The following TWF2 variants were observed in gnomAD, a reference collection of about 807,000 sequenced individuals.
TWF2 encodes twinfilin actin binding protein 2.
In TWF2, 15 loss-of-function variants were observed where a neutral mutation model predicts 45.1. That is an observed-to-expected ratio of 0.33 (90% CI 0.22 to 0.51). The LOEUF (loss-of-function observed/expected upper bound fraction) is 0.51. TWF2 is among the 20% of genes least tolerant of loss of function. The pLI, the probability that TWF2 is intolerant of heterozygous loss-of-function variation, is 0.97. For missense variants in TWF2, 423 were observed against 469.1 expected, an observed-to-expected ratio of 0.90 and a Z score of 0.91; for synonymous variants, 177 against 195.8, an observed-to-expected ratio of 0.90 and a Z score of 0.80.
At chr3:52,229,253 C>A (rs781159261) in intron 8 of TWF2, 52 bp from the exon 9 acceptor site, 19 of 1,592,374 alleles carry the variant, frequency 1.2e-5, no homozygotes, top group South Asian at 6.7e-5. Flanking sequence ...CTGACACACA[C>A]CACCCCTGGT....
chr3:52,230,604 T>A (rs1259339597), intron 6 of TWF2, among the ~76,000 whole-genome samples: 1 of 151,958 alleles, frequency 6.6e-6, no homozygotes, highest in Non-Finnish European at 1.5e-5. Context: ...TGGGGCAGTG[T>A]GCTCACAGGT....
intron 1 of TWF2, among the ~76,000 whole-genome samples, chr3:52,238,306 A>G (rs1699746125): frequency 6.6e-6 from 1 of 152,228 alleles, no homozygotes; most frequent in Non-Finnish European, 1.5e-5. Flanking sequence ...AAGGTCAGAT[A>G]GGCAGCTTTC....
rs1475419568 is a variant in TWF2 at position 52,239,144 on chromosome 3, G to A, written c.-128C>T. On this transcript the variant is annotated 5_prime_UTR_variant, in exon 1 of 9. Transcript: ENST00000305533. ...TCGACCCTCGCGCAGCTTCCCGGGC[G>A]GTGCCGCAGGACCCGCCCCCAGCGG... 3 of 1,262,646 alleles carry A rather than the reference G, an allele frequency of 2.4e-6. No homozygotes were observed. Among genetic ancestry groups the A allele is most frequent in the Non-Finnish European group, 3.0e-6 (3 of 984,034 alleles). 78.2% of individuals were successfully genotyped at this position (1,262,646 alleles called of 1,614,324 possible).
At chr3:52,235,167 G>A (rs1699714051) in intron 1 of TWF2, 61 bp from the exon 2 acceptor site, 1 of 1,543,704 alleles carries the variant, frequency 6.5e-7, no homozygotes, top group African/African-American at 1.4e-5. Context: ...ACGAGTATGG[G>A]GCCTGCTCTG....
intron 1 of TWF2, among the ~76,000 whole-genome samples, chr3:52,236,645 A>G (rs1699728674): frequency 6.6e-6 from 1 of 152,160 alleles, no homozygotes; most frequent in Non-Finnish European, 1.5e-5. Flanking sequence ...TTAGGAAAAC[A>G]AACTCTGGTT....
intron 2 of TWF2, among the ~76,000 whole-genome samples, chr3:52,234,573 G>A (rs1699708025): frequency 6.6e-6 from 1 of 152,148 alleles, no homozygotes; most frequent in Non-Finnish European, 1.5e-5. Context: ...CCATCATGGG[G>A]GCACTTCCAA....
Position 52,231,504 on chromosome 3 carries a change from G to C in TWF2, c.318C>G (p.Ala106=). Residue 106 remains alanine (A), a synonymous_variant, in exon 4 of 9, where the codon GCC becomes GCG. Transcript: ENST00000305533. ...RLKMLYAATR[A]TVKKEFGGGH... ...CACCTCCAAACTCCTTTTTCACTGT[G>C]GCCCGCGTGGCCGCGTACAGCATCT... 6.2e-7 allele frequency: 1 copy of C among 1,613,818 alleles called. No individual in the cohort carries two copies. Among genetic ancestry groups the C allele is most frequent in the Non-Finnish European group, 8.5e-7 (1 of 1,179,952 alleles).
intron 1 of TWF2, among the ~76,000 whole-genome samples, chr3:52,237,394 G>A (rs1699737369): frequency 6.6e-6 from 1 of 152,378 alleles, no homozygotes; most frequent in South Asian, 2.1e-4. Context: ...GGTCAGGACA[G>A]GGCTGGCACC....
At position 52,228,989 on chromosome 3, in the gene TWF2, T is replaced by C. The variant is rs771968990; in HGVS notation, c.*45A>G. Reference sequence around the variant, plus strand: ...GAGGATGGTGGCAGGGAGCGGAAGGTGGGCAGCCCCACAGTCCACACGTGG... The same window carrying C: ...GAGGATGGTGGCAGGGAGCGGAAGGCGGGCAGCCCCACAGTCCACACGTGG... On this transcript the variant is annotated 3_prime_UTR_variant, in exon 9 of 9. Coordinates refer to ENST00000305533, the MANE Select transcript of TWF2 (RefSeq NM_007284.4). The C allele has an allele frequency of 1.9e-6, 3 of 1,577,988 alleles. No individual in the cohort carries two copies. The highest frequency in any genetic ancestry group is 1.4e-5 in the African/African-American group (1 of 74,010).
rs373912432 is a variant in TWF2 at position 52,232,057 on chromosome 3, C to T, written c.169G>A (p.Val57Met). 2.9e-5 allele frequency: 47 copies of T among 1,613,672 alleles called. No homozygotes were observed. Among genetic ancestry groups the T allele is most frequent in the Non-Finnish European group, 3.7e-5 (44 of 1,179,846 alleles). ...TGCTGGGCGTCCAGCAGTGGCAGCACGGCCCTGTCATAGTCCTGATCCCAG... is the reference window on the plus strand; with the variant it reads ...TGCTGGGCGTCCAGCAGTGGCAGCATGGCCCTGTCATAGTCCTGATCCCAG... ...GRWDQDYDRA[V>M]LPLLDAQQPC... is the part of the protein sequence containing the mutation. The change falls in exon 3 of 9, where the codon GTG (valine) becomes ATG (methionine). Residue 57 changes from valine to methionine, a missense_variant. Val to Met is a conservative substitution (Grantham distance 21, BLOSUM62 1). Transcript: ENST00000305533.
At chr3:52,235,571 T>C (rs1158349943) in intron 1 of TWF2, among the ~76,000 whole-genome samples, 1 of 151,884 alleles carries the variant, frequency 6.6e-6, no homozygotes, top group Non-Finnish European at 1.5e-5. Context: ...CACAGCTCAA[T>C]CCAGCATGTG....
At chr3:52,231,032 G>A (rs775817987) in intron 5 of TWF2, 37 bp from the exon 6 acceptor site, 1 of 1,608,984 alleles carries the variant, frequency 6.2e-7, no homozygotes, top group Non-Finnish European at 8.5e-7. Context: ...GCCCTCACCG[G>A]CCCAAAGCAG....
Position 52,229,057 on chromosome 3 carries a change from C to A in TWF2, c.1027G>T (p.Gly343Cys). Residue 343 changes from glycine to cysteine, a missense_variant, in exon 9 of 9, where the codon GGT (glycine) becomes TGT (cysteine). Physicochemically the swap from Gly to Cys is radical, Grantham distance 159. Coordinates refer to ENST00000305533, the MANE Select transcript of TWF2 (RefSeq NM_007284.4). The stretch of plus-strand genomic sequence containing the variant: ...TCCTAGCTGTCATCCCCATTTTCAC[C>A]CGGGCCGCGGATGAGGCGCTTATGG... ...RGHKRLIRGP[G>C]ENGDDS 6.2e-7 allele frequency: 1 copy of A among 1,612,224 alleles called. No homozygotes were observed. Among genetic ancestry groups the A allele is most frequent in the Non-Finnish European group, 8.5e-7 (1 of 1,179,946 alleles).
chr3:52,239,139 C>T lies in TWF2; in HGVS notation c.-123G>A. The stretch of plus-strand genomic sequence containing the variant: ...GGCTGTCGACCCTCGCGCAGCTTCC[C>T]GGGCGGTGCCGCAGGACCCGCCCCC... On this transcript the variant is annotated 5_prime_UTR_variant, in exon 1 of 9. Coordinates refer to ENST00000305533, the MANE Select transcript of TWF2 (RefSeq NM_007284.4). 7.7e-7 allele frequency: 1 copy of T among 1,295,030 alleles called. No homozygotes were observed. The highest frequency in any genetic ancestry group is 9.9e-7 in the Non-Finnish European group (1 of 1,005,262). 80.2% of individuals were successfully genotyped at this position (1,295,030 alleles called of 1,614,324 possible).
Position 52,239,069 on chromosome 3 carries a change from C to T in TWF2, c.-53G>A. 1 of 1,580,716 alleles carries T rather than the reference C, an allele frequency of 6.3e-7. No individual in the cohort carries two copies. The highest frequency in any genetic ancestry group is 1.3e-5 in the African/African-American group (1 of 74,080). ...GTCGGAGCCCTCCGCTTGACCCTGG[C>T]CCGGCAACGCTCGCTGGACCAAGAG... On this transcript the variant is annotated 5_prime_UTR_variant, in exon 1 of 9. Transcript: ENST00000305533.
intron 1 of TWF2, among the ~76,000 whole-genome samples, chr3:52,238,118 T>C (rs1559443001): frequency 6.6e-6 from 1 of 152,102 alleles, no homozygotes; most frequent in Non-Finnish European, 1.5e-5. Context: ...ATGGTGAAGC[T>C]TCCTAGGGCT....
chr3:52,230,715 G>A (rs1196142724), intron 6 of TWF2, among the ~76,000 whole-genome samples, 155 bp downstream of exon 6: 2 of 152,026 alleles, frequency 1.3e-5, no homozygotes, highest in Non-Finnish European at 2.9e-5. Context: ...TCAGGGAGGG[G>A]TGGGGTGGAC....
At position 52,229,701 on chromosome 3, in the gene TWF2, T is replaced by G. The variant is rs1699659887; in HGVS notation, c.842A>C (p.Asp281Ala). ...CAGATGGAAGTCCTGCTCCACGGAG[T>G]CGAGGAGGCGGCTCTTGCAGCTGGA... is the stretch of plus-strand genomic sequence containing the variant. The part of the protein sequence containing the change: ...LYSSCKSRLL[D>A]SVEQDFHLEI... Residue 281 changes from aspartate to alanine, a missense_variant, in exon 8 of 9, where the codon GAC (aspartate) becomes GCC (alanine). Asp to Ala is a moderately radical substitution (Grantham distance 126). Transcript: ENST00000305533. 3 of 1,613,104 alleles carry G rather than the reference T, an allele frequency of 1.9e-6. No individual in the cohort carries two copies. The highest frequency in any genetic ancestry group is 2.5e-6 in the Non-Finnish European group (3 of 1,179,988).
At chr3:52,237,901 G>A (rs947686231) in intron 1 of TWF2, among the ~76,000 whole-genome samples, 2 of 152,208 alleles carry the variant, frequency 1.3e-5, no homozygotes, top group Admixed American at 1.3e-4. Context: ...TGGTGGGAGG[G>A]GTGGCTGATG....
Sources: allele counts gnomAD v4.1 joint callset (sites outside exome capture counted in the v4.1 genomes callset), GRCh38; gene constraint gnomAD v4.1.1; transcripts MANE v1.5; gene names NCBI Gene and HGNC (gene_info 2026-07-23, HGNC 2026-07-21).